HYAL4: variants seen among roughly 807,000 people sequenced by gnomAD.
HYAL4 encodes the protein hyaluronidase-4.
A neutral mutation model predicts 35.2 loss-of-function variants in HYAL4; 37 were observed. The ratio of observed to expected loss-of-function variants is 1.05; its 90% CI spans 0.81 to 1.38. HYAL4 has a LOEUF of 1.38. HYAL4 is among the 40% of genes most tolerant of loss of function. The pLI, the probability that HYAL4 is intolerant of heterozygous loss-of-function variation, is 0.00. For synonymous variants in HYAL4, 198 were observed against 203.2 expected (o/e 0.97, Z 0.22); for missense variants, 572 against 572.4 (o/e 1.00, Z 0.01).
intron 2 of HYAL4, among the ~76,000 whole-genome samples, chr7:123,858,803 A>G (rs1222440354): frequency 6.6e-6 from 1 of 152,212 alleles, no homozygotes; most frequent in Non-Finnish European, 1.5e-5. Flanking sequence ...AATAGGAAAA[A>G]TAATGAAACT....
In HYAL4 at chr7:123,877,109, C is replaced by T; in HGVS notation, c.1400C>T (p.Thr467Ile). The stretch of plus-strand genomic sequence containing the variant: ...TCCCCTTCTCCTGGTTCACTAATGA[C>T]ACTTTGTCTACTGCTTTTAGCAAGT... The part of the protein sequence containing the change: ...GVSPSPGSLM[T>I]LCLLLLASYR... The change falls in exon 5 of 5, where the codon ACA becomes ATA. Residue 467 changes from threonine to isoleucine, a missense_variant. Coordinates refer to ENST00000223026, the MANE Select transcript of HYAL4 (RefSeq NM_012269.3). 1 of 1,614,170 alleles carries T rather than the reference C, an allele frequency of 6.2e-7. No homozygotes were observed. Among genetic ancestry groups the T allele is most frequent in the Non-Finnish European group, 8.5e-7 (1 of 1,180,014 alleles).
chr7:123,773,399 C>T, the HYAL4 span, among the ~76,000 whole-genome samples: 251 of 152,178 alleles, frequency 1.6e-3, no homozygotes, highest in African/African-American at 5.7e-3. Context: ...ATTATTTCCT[C>T]TTTTCTATGG....
chr7:123,774,324 C>T, the HYAL4 span, among the ~76,000 whole-genome samples: 2 of 152,324 alleles, frequency 1.3e-5, no homozygotes, highest in East Asian at 1.9e-4. Flanking sequence ...TAGGCGTGAG[C>T]CACCACCATG....
At chr7:123,872,403 G>A (rs1391896085) in intron 3 of HYAL4, among the ~76,000 whole-genome samples, 3 of 152,114 alleles carry the variant, frequency 2.0e-5, no homozygotes, top group African/African-American at 4.8e-5. Context: ...TGCTGTCTCC[G>A]GTAAGGCACA....
chr7:123,776,010 A>C, the HYAL4 span, among the ~76,000 whole-genome samples: 4 of 152,186 alleles, frequency 2.6e-5, no homozygotes, highest in Non-Finnish European at 5.9e-5. Flanking sequence ...CACACCCAAC[A>C]CTTGCCATCT....
At chr7:123,810,127 C>T in the HYAL4 span, among the ~76,000 whole-genome samples, 7 of 152,166 alleles carry the variant, frequency 4.6e-5, no homozygotes, top group Non-Finnish European at 1.0e-4. Flanking sequence ...TTCTCTATCC[C>T]TTGCCAAGTG....
At chr7:123,803,522 A>G in the HYAL4 span, among the ~76,000 whole-genome samples, 1 of 152,186 alleles carries the variant, frequency 6.6e-6, no homozygotes, top group Admixed American at 6.5e-5. Context: ...TAGGTACACT[A>G]TACCGTCCTC....
the HYAL4 span, among the ~76,000 whole-genome samples, chr7:123,818,081 T>G: frequency 6.6e-6 from 1 of 152,146 alleles, no homozygotes; most frequent in African/African-American, 2.4e-5. Flanking sequence ...TTCACCATGT[T>G]GGCCAGGCTG....
chr7:123,798,545 C>A, the HYAL4 span, among the ~76,000 whole-genome samples: 1 of 152,148 alleles, frequency 6.6e-6, no homozygotes, highest in Non-Finnish European at 1.5e-5. Flanking sequence ...TAAAAGCAAC[C>A]TTAGGAAAGA....
chr7:123,794,178 C>T, the HYAL4 span, among the ~76,000 whole-genome samples: 1 of 152,170 alleles, frequency 6.6e-6, no homozygotes, highest in Admixed American at 6.5e-5. Flanking sequence ...AACTGTGGAA[C>T]TTTGAACTTG....
chr7:123,871,680 G>GTGTCTTCA (rs1330882166), intron 3 of HYAL4, among the ~76,000 whole-genome samples: 2 of 152,170 alleles, frequency 1.3e-5, no homozygotes, highest in African/African-American at 4.8e-5. Context: ...TAGTGTCTTA[G>GTGTCTTCA]TGTCTTCATG....
At chr7:123,876,691 G>T in intron 4 of HYAL4, 63 bp from the exon 5 acceptor site, 3 of 1,518,428 alleles carry the variant, frequency 2.0e-6, no homozygotes, top group South Asian at 2.5e-5. Context: ...CACTAAAATC[G>T]ATTTCTTTGT....
intron 1 of HYAL4, among the ~76,000 whole-genome samples, chr7:123,846,021 C>G (rs566756878): frequency 6.6e-6 from 1 of 152,294 alleles, no homozygotes; most frequent in South Asian, 2.1e-4. Context: ...GGTCTCTCAG[C>G]CATGGATACC....
chr7:123,839,389 C>T (rs1012396572), intron 1 of HYAL4, among the ~76,000 whole-genome samples: 3 of 152,140 alleles, frequency 2.0e-5, no homozygotes, highest in Admixed American at 6.5e-5. Context: ...TCTATCATTG[C>T]TGGACATTTG....
At chr7:123,841,354 G>T (rs552704168), upstream of HYAL4, among the ~76,000 whole-genome samples, 4 of 152,096 alleles carry the variant, frequency 2.6e-5, no homozygotes, top group East Asian at 7.7e-4. Context: ...ATCCGTGATG[G>T]ATAAGCTTTT....
At chr7:123,800,508 A>G in the HYAL4 span, among the ~76,000 whole-genome samples, 8 of 143,200 alleles carry the variant, frequency 5.6e-5, no homozygotes, top group South Asian at 1.8e-3. Flanking sequence ...AAAAAAAAAG[A>G]AGTTTTTCTT....
At chr7:123,803,643 T>C in the HYAL4 span, among the ~76,000 whole-genome samples, 1 of 152,236 alleles carries the variant, frequency 6.6e-6, no homozygotes, top group Admixed American at 6.5e-5. Flanking sequence ...GTTCTGTAGA[T>C]ATTTTCCTCC....
intron 1 of HYAL4, among the ~76,000 whole-genome samples, chr7:123,835,751 A>T (rs1562992021): frequency 6.6e-6 from 1 of 152,156 alleles, no homozygotes; most frequent in Non-Finnish European, 1.5e-5. Context: ...CCTTTGCTGT[A>T]TCCCAGAGGT....
chr7:123,780,388 C>T, the HYAL4 span, among the ~76,000 whole-genome samples: 2 of 152,022 alleles, frequency 1.3e-5, no homozygotes, highest in East Asian at 1.9e-4. Flanking sequence ...GGGATAAAAA[C>T]GTATCCACTT....
Sources: allele counts gnomAD v4.1 joint callset (sites outside exome capture counted in the v4.1 genomes callset), GRCh38; gene constraint gnomAD v4.1.1; transcripts MANE v1.5; gene names NCBI Gene and HGNC (gene_info 2026-07-23, HGNC 2026-07-21).